The following CDH10 variants were observed in gnomAD, a reference collection of about 807,000 sequenced individuals.
The protein encoded by CDH10 is cadherin 10.
CDH10 carries 30 observed loss-of-function variants against 73.1 expected under a neutral mutation model. That is an observed-to-expected ratio of 0.41 (90% CI 0.31 to 0.56). The LOEUF (loss-of-function observed/expected upper bound fraction) is 0.56, where lower values mean the gene tolerates loss of function less well. CDH10 is among the 20% of genes least tolerant of loss of function. The pLI is 0.27. For missense variants in CDH10, 815 were observed against 973.7 expected, an observed-to-expected ratio of 0.84 and a Z score of 2.17; for synonymous variants, 345 against 348.2, an observed-to-expected ratio of 0.99 and a Z score of 0.10.
At chr5:24,558,959 C>T (rs1744863037) in intron 2 of CDH10, among the ~76,000 whole-genome samples, 1 of 151,690 alleles carries the variant, frequency 6.6e-6, no homozygotes, top group Non-Finnish European at 1.5e-5. Context: ...CTTTCATTTT[C>T]AATTATTTTA....
chr5:24,511,937 A>G (rs1438279369), intron 5 of CDH10, among the ~76,000 whole-genome samples: 2 of 152,164 alleles, frequency 1.3e-5, no homozygotes, highest in African/African-American at 4.8e-5. Flanking sequence ...AAATGATGAG[A>G]ACTCATGGAC....
intron 1 of CDH10, among the ~76,000 whole-genome samples, chr5:24,643,217 T>G (rs545904064): frequency 6.6e-6 from 1 of 152,122 alleles, no homozygotes; most frequent in African/African-American, 2.4e-5. Context: ...GACTTAGCAT[T>G]TACCTGTGTT....
At chr5:24,518,926 G>A (rs1023856894) in intron 5 of CDH10, among the ~76,000 whole-genome samples, 5 of 128,480 alleles carry the variant, frequency 3.9e-5, no homozygotes, top group African/African-American at 1.5e-4. Context: ...AGTCTTGCTC[G>A]GTCACCCAGG....
At chr5:24,633,212 T>C (rs1747759727) in intron 1 of CDH10, among the ~76,000 whole-genome samples, 1 of 151,742 alleles carries the variant, frequency 6.6e-6, no homozygotes, top group African/African-American at 2.4e-5. Context: ...TAGAAAATAA[T>C]TGTATTATTT....
intron 10 of CDH10, 28 bp downstream of exon 10, chr5:24,492,789 G>T: frequency 1.1e-6 from 1 of 872,702 alleles, no homozygotes. Context: ...ATCATCATAA[G>T]TCATAGTGAA....
intron 2 of CDH10, among the ~76,000 whole-genome samples, chr5:24,545,438 T>A (rs1744304461): frequency 6.6e-6 from 1 of 152,220 alleles, no homozygotes; most frequent in African/African-American, 2.4e-5. Flanking sequence ...TATCTGAGAA[T>A]CATTCTTTCC....
At chr5:24,504,143 C>T (rs1561127452) in intron 8 of CDH10, among the ~76,000 whole-genome samples, 1 of 151,914 alleles carries the variant, frequency 6.6e-6, no homozygotes, top group East Asian at 1.9e-4. Context: ...TAAAGGTACT[C>T]AAAAAAATCC....
chr5:24,501,729 G>A lies in CDH10; in HGVS notation c.1394-3210C>T, dbSNP rs141699676. On this transcript the variant is annotated intron_variant, in intron 8 of 11. Coordinates refer to ENST00000264463, the MANE Select transcript of CDH10 (RefSeq NM_006727.5). ...TAAGAATTCTATGAATAAGAACTACGGTGTGGATAATAGAGTTCTTTAGTC... is the reference window on the plus strand; with the variant it reads ...TAAGAATTCTATGAATAAGAACTACAGTGTGGATAATAGAGTTCTTTAGTC... Among the ~76,000 whole-genome samples, 8 of 152,190 alleles carry A rather than the reference G, an allele frequency of 5.3e-5. No homozygotes were observed. The East Asian group carries it at 9.7e-4, about 18-fold the overall frequency.
At chr5:24,508,089 C>G (rs1742765492) in intron 7 of CDH10, among the ~76,000 whole-genome samples, 4 of 152,130 alleles carry the variant, frequency 2.6e-5, no homozygotes, top group Admixed American at 2.6e-4. Flanking sequence ...AGAGTGCGCT[C>G]AGAAAGTGAA....
intron 1 of CDH10, among the ~76,000 whole-genome samples, chr5:24,637,506 A>G (rs999846487): frequency 2.0e-5 from 3 of 151,912 alleles, no homozygotes; most frequent in Non-Finnish European, 4.4e-5. Context: ...AATATCTCAG[A>G]TTAGAACCTG....
At chr5:24,545,041 T>C (rs771434562) in intron 2 of CDH10, among the ~76,000 whole-genome samples, 1 of 152,198 alleles carries the variant, frequency 6.6e-6, no homozygotes, top group African/African-American at 2.4e-5. Flanking sequence ...AGTTCTTAAG[T>C]GGTATATAAA....
intron 3 of CDH10, among the ~76,000 whole-genome samples, chr5:24,536,757 C>T (rs566333066): frequency 6.6e-6 from 1 of 151,866 alleles, no homozygotes; most frequent in Non-Finnish European, 1.5e-5. Context: ...TTTACAGGTT[C>T]CACAATCTAA....
At chr5:24,603,936 T>C (rs939755777) in intron 1 of CDH10, among the ~76,000 whole-genome samples, 16 of 152,252 alleles carry the variant, frequency 1.1e-4, no homozygotes, top group Non-Finnish European at 2.1e-4. Flanking sequence ...CCCAGAGAAG[T>C]TACATTAAAA....
At chr5:24,544,990 G>T (rs1046540150) in intron 2 of CDH10, among the ~76,000 whole-genome samples, 25 of 152,182 alleles carry the variant, frequency 1.6e-4, no homozygotes, top group African/African-American at 6.0e-4. Context: ...TGCTTCAAAG[G>T]TCAACAATTT....
chr5:24,586,246 T>C (rs1234342631), intron 2 of CDH10, among the ~76,000 whole-genome samples: 1 of 152,136 alleles, frequency 6.6e-6, no homozygotes, highest in Admixed American at 6.5e-5. Context: ...AGTATATTTT[T>C]AAACATGAAG....
intron 5 of CDH10, among the ~76,000 whole-genome samples, chr5:24,517,598 C>A (rs10520913): frequency 0.02 from 3,064 of 151,974 alleles, 50 homozygotes; most frequent in Middle Eastern, 0.1. Context: ...ACAATGCAAG[C>A]TAAATAATTC....
chr5:24,554,757 T>TA (rs1744706983), intron 2 of CDH10, among the ~76,000 whole-genome samples: 1 of 152,148 alleles, frequency 6.6e-6, no homozygotes, highest in African/African-American at 2.4e-5. Flanking sequence ...CTTGTGGTTT[T>TA]AAAATCTCAT....
intron 5 of CDH10, among the ~76,000 whole-genome samples, chr5:24,519,716 G>A (rs1016616827): frequency 1.3e-5 from 2 of 152,110 alleles, no homozygotes; most frequent in Non-Finnish European, 2.9e-5. Flanking sequence ...AAAAGTATGT[G>A]GTAGAATAAA....
chr5:24,589,966 G>C (rs907158893), intron 2 of CDH10, among the ~76,000 whole-genome samples: 2 of 152,060 alleles, frequency 1.3e-5, no homozygotes, highest in Admixed American at 6.6e-5. Context: ...AAGATAAAGA[G>C]AGGGGAGTGA....
Sources: gnomAD v4.1 joint callset for allele counts (sites outside exome capture counted in the v4.1 genomes callset) on GRCh38, gnomAD v4.1.1 for gene constraint, MANE v1.5 for transcripts, NCBI Gene and HGNC (gene_info 2026-07-23, HGNC 2026-07-21) for gene names.